MTUS1: variants seen among roughly 807,000 people sequenced by gnomAD.
MTUS1 encodes microtubule associated scaffold protein 1, also known as microtubule-associated tumor suppressor 1.
MTUS1 carries 109 observed loss-of-function variants against 120.8 expected under a neutral mutation model. That is an observed-to-expected ratio of 0.90 (90% CI 0.77 to 1.06). MTUS1 has a LOEUF of 1.06. Ranked by LOEUF, MTUS1 falls within the 50% of genes least tolerant of loss-of-function variation. The pLI is 0.00. For missense variants in MTUS1, 2,210 were observed against 1,486.3 expected, an observed-to-expected ratio of 1.49 and a Z score of -8.01; for synonymous variants, 737 against 550.5, an observed-to-expected ratio of 1.34 and a Z score of -4.74.
chr8:17,650,644 G>C (rs1445664008), intron 12 of MTUS1, among the ~76,000 whole-genome samples: 12 of 152,134 alleles, frequency 7.9e-5, no homozygotes. Flanking sequence ...AGGAGGTCAA[G>C]GCTGCAGTGA....
chr8:17,645,536 G>C lies in MTUS1; in HGVS notation c.*390C>G. ...CACCCCCCACCCCCACAGTCAGACT[G>C]AAAACTCACAAGAAGGTGTCTGTGG... On this transcript the variant is annotated 3_prime_UTR_variant, in exon 15 of 15. Transcript: ENST00000693296. 1 of 172,926 alleles carries C rather than the reference G, an allele frequency of 5.8e-6. No individual in the cohort carries two copies. Among genetic ancestry groups the C allele is most frequent in the South Asian group, 1.6e-4 (1 of 6,402 alleles). 10.7% of individuals were successfully genotyped at this position (172,926 alleles called of 1,614,324 possible). A position where few individuals can be genotyped will look rare whatever the true frequency, so the allele number is the denominator to read the frequency against.
chr8:17,702,723 G>A (rs1172265097), intron 6 of MTUS1, among the ~76,000 whole-genome samples: 1 of 152,144 alleles, frequency 6.6e-6, no homozygotes, highest in African/African-American at 2.4e-5. Flanking sequence ...TTTAAAGGCT[G>A]CATAATACTC....
chr8:17,764,247 C>T (rs1280258110), intron 1 of MTUS1, among the ~76,000 whole-genome samples: 2 of 152,104 alleles, frequency 1.3e-5, no homozygotes, highest in Admixed American at 6.6e-5. Flanking sequence ...CTATGATCTA[C>T]AAATCCTTGG....
intron 1 of MTUS1, among the ~76,000 whole-genome samples, chr8:17,799,405 A>T (rs2052504046): frequency 6.6e-6 from 1 of 152,162 alleles, no homozygotes; most frequent in African/African-American, 2.4e-5. Flanking sequence ...TAAACTATAT[A>T]ACTATAAAAA....
chr8:17,692,709 A>G (rs373709496), intron 6 of MTUS1, among the ~76,000 whole-genome samples: 8 of 152,100 alleles, frequency 5.3e-5, no homozygotes, highest in East Asian at 3.9e-4. Flanking sequence ...GCAGAAAACA[A>G]TAACTTGGGT....
intron 6 of MTUS1, among the ~76,000 whole-genome samples, chr8:17,690,071 A>G (rs1816649137): frequency 6.6e-6 from 1 of 152,230 alleles, no homozygotes; most frequent in Non-Finnish European, 1.5e-5. Context: ...GAAACAGTCA[A>G]CAGAGGAAAC....
intron 7 of MTUS1, among the ~76,000 whole-genome samples, chr8:17,682,421 G>C (rs975960681): frequency 6.6e-5 from 10 of 151,552 alleles, no homozygotes; most frequent in African/African-American, 2.4e-4. Flanking sequence ...GGGAGGCTGA[G>C]GAAGGAGAAT....
intron 6 of MTUS1, chr8:17,703,930 T>C (rs930735336): frequency 1.3e-5 from 2 of 152,234 alleles, no homozygotes; most frequent in Admixed American, 6.5e-5. Context: ...TCCCTGTTCA[T>C]ACACCCTCTC....
intron 6 of MTUS1, among the ~76,000 whole-genome samples, chr8:17,711,693 A>T (rs1240832552): frequency 6.6e-6 from 1 of 152,170 alleles, no homozygotes; most frequent in Non-Finnish European, 1.5e-5. Context: ...AACTTGGCTA[A>T]CTGCTTGGCA....
intron 1 of MTUS1, among the ~76,000 whole-genome samples, chr8:17,765,605 C>A: frequency 1.8e-5 from 2 of 110,430 alleles, no homozygotes; most frequent in Admixed American, 1.2e-4. Context: ...GGAAACAGAG[C>A]AAGACTCTGT....
chr8:17,755,424 C>T lies in MTUS1; in HGVS notation c.384G>A (p.Glu128=), dbSNP rs768983372. The change falls in exon 2 of 15, where the codon GAG becomes GAA. Residue 128 remains glutamate, a synonymous_variant. Coordinates refer to ENST00000693296, the MANE Select transcript of MTUS1 (RefSeq NM_001363059.2). The stretch of plus-strand genomic sequence containing the variant: ...GCAAAGATGGCTCAACACTCTGGCC[C>T]TCAACTGCTTCTAGGGAATGACAAC... The part of the protein sequence containing the change: ...QHSCHSLEAV[E]GQSVEPSLPF... The T allele has an allele frequency of 1.2e-6, 2 of 1,614,210 alleles. No homozygotes were observed. The highest frequency in any genetic ancestry group is 1.1e-5 in the South Asian group (1 of 91,090).
rs150925153 is a variant in MTUS1 at position 17,794,630 on chromosome 8, C to A, written c.-155+6431G>T. 3.9e-3 allele frequency among the ~76,000 whole-genome samples: 601 copies of A among 152,274 alleles called. 2 individuals are homozygous for A. The highest frequency in any genetic ancestry group is 0.013 in the African/African-American group (561 of 41,558). On this transcript the variant is annotated intron_variant, in intron 1 of 14. Coordinates refer to ENST00000693296, the MANE Select transcript of MTUS1 (RefSeq NM_001363059.2). ...TCTGCAATCCTCACTTCAATTAAAGCCTGTTGGCTTAGGGTCACAGTAATA... is the reference window on the plus strand; with the variant it reads ...TCTGCAATCCTCACTTCAATTAAAGACTGTTGGCTTAGGGTCACAGTAATA...
At chr8:17,673,204 C>G (rs1275127049) in intron 8 of MTUS1, among the ~76,000 whole-genome samples, 1 of 152,196 alleles carries the variant, frequency 6.6e-6, no homozygotes, top group East Asian at 1.9e-4. Context: ...AGTAACATGG[C>G]AGAAAGCCTG....
At chr8:17,756,673 C>CCCCCCT (rs1409315359) in intron 1 of MTUS1, among the ~76,000 whole-genome samples, 2 of 54,548 alleles carry the variant, frequency 3.7e-5, no homozygotes, top group African/African-American at 5.4e-5. Context: ...AAGCCCAAAC[C>CCCCCCT]CCCACCCCTT....
chr8:17,665,540 G>C lies in MTUS1; in HGVS notation c.2906-9475C>G, dbSNP rs146748280. Among the ~76,000 whole-genome samples, 699 of 149,380 alleles carry C rather than the reference G, an allele frequency of 4.7e-3. 10 individuals are homozygous for C. Among genetic ancestry groups the C allele is most frequent in the African/African-American group, 0.016 (645 of 40,808 alleles). On this transcript the variant is annotated intron_variant, in intron 8 of 14. Transcript: ENST00000693296. ...AGCCTCTTTGTTGTTGTTGTGTTTT[G>C]AGTAGATATGGGGTTTCACCATGTT...
chr8:17,670,077 G>A (rs1000594199), intron 8 of MTUS1, among the ~76,000 whole-genome samples: 1 of 152,204 alleles, frequency 6.6e-6, no homozygotes, highest in Non-Finnish European at 1.5e-5. Context: ...ACATGCACGT[G>A]GAGGATGGGG....
In MTUS1 at chr8:17,754,098, T is replaced by A; in HGVS notation, c.1710A>T (p.Leu570=). 1 of 1,614,120 alleles carries A rather than the reference T, an allele frequency of 6.2e-7. No individual in the cohort carries two copies. The highest frequency in any genetic ancestry group is 8.5e-7 in the Non-Finnish European group (1 of 1,180,030). ...DLNADKKAEI[L]INKTHKQQFN... ...ACTGCTGCTTATGTGTCTTGTTAATTAGAATTTCTGCTTTTTTGTCTGCAT... is the reference window on the plus strand; with the variant it reads ...ACTGCTGCTTATGTGTCTTGTTAATAAGAATTTCTGCTTTTTTGTCTGCAT... The change falls in exon 2 of 15, where the codon CTA becomes CTT. Residue 570 remains leucine, a synonymous_variant. Coordinates refer to ENST00000693296, the MANE Select transcript of MTUS1 (RefSeq NM_001363059.2).
chr8:17,672,764 C>T (rs1016881750), intron 8 of MTUS1, among the ~76,000 whole-genome samples: 4 of 152,150 alleles, frequency 2.6e-5, no homozygotes, highest in East Asian at 1.9e-4. Flanking sequence ...TACCAACACT[C>T]GGGAGGCAGG....
At chr8:17,649,174 C>T (rs1324498333) in intron 13 of MTUS1, among the ~76,000 whole-genome samples, 12 of 152,162 alleles carry the variant, frequency 7.9e-5, no homozygotes, top group South Asian at 6.2e-4. Context: ...ATGGAACCTC[C>T]ACCTTCCCAG....
Sources: gnomAD v4.1 joint callset for allele counts (sites outside exome capture counted in the v4.1 genomes callset) on GRCh38, gnomAD v4.1.1 for gene constraint, MANE v1.5 for transcripts, NCBI Gene and HGNC (gene_info 2026-07-23, HGNC 2026-07-21) for gene names.